KCNIP1: variants seen among roughly 807,000 people sequenced by gnomAD.
KCNIP1 encodes the protein A-type potassium channel modulatory protein KCNIP1.
In KCNIP1, 18 loss-of-function variants were observed where a neutral mutation model predicts 33.0. The observed-to-expected ratio is 0.55, with a 90% CI of 0.38 to 0.81. The LOEUF is 0.81. KCNIP1 is among the 30% of genes least tolerant of loss of function. KCNIP1 has a pLI of 0.00. For missense variants in KCNIP1, 238 were observed against 271.6 expected (o/e 0.88, Z 0.87); for synonymous variants, 93 against 98.3 (o/e 0.95, Z 0.32).
chr5:170,636,590 GC>G (rs758377437), intron 1 of KCNIP1, among the ~76,000 whole-genome samples: 2 of 152,162 alleles, frequency 1.3e-5, no homozygotes, highest in Admixed American at 1.3e-4. Flanking sequence ...CCTGATCCGA[GC>G]CCTCTGAGCA....
intron 1 of KCNIP1, among the ~76,000 whole-genome samples, chr5:170,434,136 C>T (rs188436347): frequency 8.2e-4 from 125 of 152,300 alleles, no homozygotes; most frequent in African/African-American, 2.7e-3. Flanking sequence ...CCCAAACTAT[C>T]TGTGGAACTT....
At chr5:170,589,794 T>TGTGCGGTGTG (rs1554103004) in intron 1 of KCNIP1, among the ~76,000 whole-genome samples, 1 of 113,164 alleles carries the variant, frequency 8.8e-6, no homozygotes, top group Non-Finnish European at 1.9e-5. Context: ...TGTGATGTGG[T>TGTGCGGTGTG]GTGCGGTGCG....
intron 1 of KCNIP1, among the ~76,000 whole-genome samples, chr5:170,667,173 G>A (rs1581471487): frequency 6.6e-6 from 1 of 152,042 alleles, no homozygotes; most frequent in South Asian, 2.1e-4. Flanking sequence ...TAAGCTGGGC[G>A]GGGTGGCAGG....
chr5:170,424,270 A>T (rs796475484), intron 1 of KCNIP1, among the ~76,000 whole-genome samples: 1 of 152,184 alleles, frequency 6.6e-6, no homozygotes, highest in Non-Finnish European at 1.5e-5. Context: ...TACTTTGCAC[A>T]TGTCCCATTG....
intron 1 of KCNIP1, among the ~76,000 whole-genome samples, chr5:170,666,122 C>T (rs1306504726): frequency 6.6e-6 from 1 of 152,160 alleles, no homozygotes; most frequent in African/African-American, 2.4e-5. Context: ...CGTGGGCCAT[C>T]TTCATGAATT....
chr5:170,353,891 C>T, exon 1 of KCNIP1: 3 of 1,614,168 alleles, frequency 1.9e-6, no homozygotes, highest in Non-Finnish European at 2.5e-6. Flanking sequence ...GCGGCTGCTC[C>T]AAAAGATGCA....
chr5:170,635,241 G>T (rs1260203991), intron 1 of KCNIP1, among the ~76,000 whole-genome samples: 1 of 152,126 alleles, frequency 6.6e-6, no homozygotes, highest in Non-Finnish European at 1.5e-5. Flanking sequence ...TGTTGGCCAG[G>T]CTTGTCTCAA....
chr5:170,624,452 A>G (rs4867999), intron 1 of KCNIP1, among the ~76,000 whole-genome samples: 71,906 of 151,336 alleles, frequency 0.48, 17,611 homozygotes, highest in East Asian at 0.67. Context: ...TCCAAACTCT[A>G]TCTTTAACTG....
chr5:170,673,148 G>A (rs1303878683), intron 1 of KCNIP1, among the ~76,000 whole-genome samples: 1 of 152,226 alleles, frequency 6.6e-6, no homozygotes, highest in Non-Finnish European at 1.5e-5. Flanking sequence ...CTGAGTTTTA[G>A]TAATTCATAT....
At chr5:170,426,991 A>G (rs1013939068) in intron 1 of KCNIP1, among the ~76,000 whole-genome samples, 11 of 152,206 alleles carry the variant, frequency 7.2e-5, no homozygotes, top group African/African-American at 2.7e-4. Flanking sequence ...GGGAGAGGGA[A>G]GAGGCCTCCT....
At chr5:170,395,956 C>T (rs1754750904) in intron 1 of KCNIP1, among the ~76,000 whole-genome samples, 1 of 152,320 alleles carries the variant, frequency 6.6e-6, no homozygotes, top group Middle Eastern at 3.4e-3. Flanking sequence ...AGCTGGCTCA[C>T]ACTGGCACCG....
chr5:170,691,409 G>T (rs559508666), intron 1 of KCNIP1, among the ~76,000 whole-genome samples: 1 of 152,166 alleles, frequency 6.6e-6, no homozygotes, highest in East Asian at 1.9e-4. Context: ...TATCATTCTG[G>T]TCAAAGACCA....
At chr5:170,376,834 T>G (rs1764023798) in intron 1 of KCNIP1, 1 of 152,136 alleles carries the variant, frequency 6.6e-6, no homozygotes, top group Non-Finnish European at 1.5e-5. Context: ...AGTGTACCTA[T>G]GTAACAAACC....
At chr5:170,653,395 T>TTCATCA (rs199786374) in intron 1 of KCNIP1, among the ~76,000 whole-genome samples, 107 of 151,790 alleles carry the variant, frequency 7.0e-4, no homozygotes, top group African/African-American at 2.3e-3. Flanking sequence ...CTCCTCACTC[T>TTCATCA]TCATCATCAT....
intron 1 of KCNIP1, among the ~76,000 whole-genome samples, chr5:170,707,812 C>T (rs1474608874): frequency 6.6e-6 from 1 of 151,408 alleles, no homozygotes; most frequent in Non-Finnish European, 1.5e-5. Context: ...CTCCCTTTTT[C>T]AGGACACTTT....
intron 1 of KCNIP1, among the ~76,000 whole-genome samples, chr5:170,695,804 A>G (rs1180701586): frequency 1.3e-5 from 2 of 152,148 alleles, no homozygotes; most frequent in African/African-American, 2.4e-5. Context: ...GTGGATCATG[A>G]GGTCAGGAGA....
chr5:170,664,766 G>T (rs62392767), intron 1 of KCNIP1, among the ~76,000 whole-genome samples: 1 of 152,180 alleles, frequency 6.6e-6, no homozygotes, highest in Middle Eastern at 3.2e-3. Flanking sequence ...ATAACATCTA[G>T]TAGTGATAAA....
chr5:170,666,130 A>G (rs761115525), intron 1 of KCNIP1, among the ~76,000 whole-genome samples: 4 of 152,208 alleles, frequency 2.6e-5, no homozygotes, highest in Non-Finnish European at 5.9e-5. Flanking sequence ...ATCTTCATGA[A>G]TTATTGGGAA....
At chr5:170,545,763 CT>C (rs1194510292) in intron 1 of KCNIP1, among the ~76,000 whole-genome samples, 17 of 152,070 alleles carry the variant, frequency 1.1e-4, no homozygotes, top group African/African-American at 4.1e-4. Flanking sequence ...ATCTTTTTCT[CT>C]ATTCTCTTTA....
Sources: allele counts gnomAD v4.1 joint callset (sites outside exome capture counted in the v4.1 genomes callset), GRCh38; gene constraint gnomAD v4.1.1; transcripts MANE v1.5; gene names NCBI Gene and HGNC (gene_info 2026-07-23, HGNC 2026-07-21).